Variants in ADCY8 observed in about 807,000 individuals in gnomAD.
ADCY8 encodes the protein adenylate cyclase type 8.
ADCY8 carries 51 observed loss-of-function variants against 119.7 expected under a neutral mutation model. The observed-to-expected ratio is 0.43, with a 90% confidence interval of 0.34 to 0.54. The LOEUF is 0.54. Among genes scored for constraint, ADCY8 ranks in the 20% least tolerant of loss-of-function variants. ADCY8 has a pLI of 0.03. For synonymous variants in ADCY8, 665 were observed against 651.0 expected (o/e 1.02, Z -0.33); for missense variants, 1,383 against 1,598.8 (o/e 0.87, Z 2.30).
chr8:130,921,208 A>G (rs1820291194), intron 5 of ADCY8, among the ~76,000 whole-genome samples: 1 of 152,212 alleles, frequency 6.6e-6, no homozygotes, highest in Non-Finnish European at 1.5e-5. Context: ...ATTTCATCAC[A>G]GAGCTTTATG....
chr8:130,993,131 G>A (rs985881925), intron 1 of ADCY8, among the ~76,000 whole-genome samples: 37 of 152,218 alleles, frequency 2.4e-4, no homozygotes, highest in African/African-American at 8.9e-4. Flanking sequence ...ATTTGGAAGT[G>A]AAAACAAAAT....
intron 9 of ADCY8, among the ~76,000 whole-genome samples, chr8:130,854,965 C>T (rs1817673223): frequency 7.1e-6 from 1 of 141,528 alleles, no homozygotes; most frequent in East Asian, 2.2e-4. Flanking sequence ...GTCTCTTTCT[C>T]ATCATCACAT....
At chr8:130,868,690 A>G (rs1214326110) in intron 8 of ADCY8, among the ~76,000 whole-genome samples, 1 of 152,230 alleles carries the variant, frequency 6.6e-6, no homozygotes, top group East Asian at 1.9e-4. Context: ...GAAGGTGGGA[A>G]AGTTTTTAAA....
chr8:130,944,242 T>C (rs1381379253), intron 3 of ADCY8, among the ~76,000 whole-genome samples: 1 of 152,190 alleles, frequency 6.6e-6, no homozygotes, highest in Non-Finnish European at 1.5e-5. Context: ...GCACATGGCA[T>C]AGCTGGGATT....
chr8:130,829,179 A>G (rs773633500), intron 12 of ADCY8, among the ~76,000 whole-genome samples: 14 of 152,234 alleles, frequency 9.2e-5, no homozygotes, highest in Non-Finnish European at 2.1e-4. Flanking sequence ...AAGCCAGTTT[A>G]TCGATCTGGG....
intron 5 of ADCY8, among the ~76,000 whole-genome samples, chr8:130,931,535 C>T (rs1250600676): frequency 6.6e-6 from 1 of 152,114 alleles, no homozygotes; most frequent in African/African-American, 2.4e-5. Context: ...AAGCTTTCTA[C>T]CCCTTTATCT....
intron 5 of ADCY8, among the ~76,000 whole-genome samples, chr8:130,926,085 T>C (rs1820457883): frequency 6.6e-6 from 1 of 152,192 alleles, no homozygotes; most frequent in Non-Finnish European, 1.5e-5. Flanking sequence ...AACCCTATTG[T>C]TTTAATTTAG....
At chr8:130,920,430 A>G (rs556363106) in intron 5 of ADCY8, among the ~76,000 whole-genome samples, 13 of 152,340 alleles carry the variant, frequency 8.5e-5, no homozygotes, top group South Asian at 8.3e-4. Flanking sequence ...TCAAAGGGAA[A>G]GACAGCTGTG....
chr8:131,038,744 G>A lies in ADCY8; in HGVS notation c.960+630C>T, dbSNP rs77398391. On this transcript the variant is annotated intron_variant, in intron 1 of 17. Transcript: ENST00000286355. ...TTGGTTTATTCAAAGCACTGGGGTC[G>A]CATCGTGTCATGAGAGAAGATATCA... Among the ~76,000 whole-genome samples the A allele has an allele frequency of 1.7e-3, 261 of 152,208 alleles. 8 individuals carry two copies. The East Asian group carries it at 0.044, about 25-fold the overall frequency.
intron 1 of ADCY8, among the ~76,000 whole-genome samples, chr8:131,021,649 T>C (rs190734306): frequency 2.0e-5 from 3 of 152,316 alleles, no homozygotes; most frequent in African/African-American, 7.2e-5. Flanking sequence ...GTTCTCGTGA[T>C]AGTGAGTGAG....
In ADCY8 at chr8:130,838,499, C is replaced by T. The variant is rs919327531; in HGVS notation, c.2503-2050G>A. Among the ~76,000 whole-genome samples, 3 of 142,596 alleles carry T rather than the reference C, an allele frequency of 2.1e-5. 1 individual carries two copies. Among genetic ancestry groups the T allele is most frequent in the Middle Eastern group, 6.6e-3 (2 of 304 alleles). The allele number at this position is 142,596 out of a possible 152,430, so 93.5% of individuals were successfully genotyped here. A position where few individuals can be genotyped will look rare whatever the true frequency, so the allele number is the denominator to read the frequency against. On this transcript the variant is annotated intron_variant, in intron 11 of 17. Coordinates refer to ENST00000286355, the MANE Select transcript of ADCY8 (RefSeq NM_001115.3). ...CATTCTCCAGAGCTCATTTTCTGCT[C>T]CAGAGAAACTCTAAGGCCCTCCAGT...
At chr8:130,981,857 C>T (rs1316489311) in intron 2 of ADCY8, among the ~76,000 whole-genome samples, 1 of 152,184 alleles carries the variant, frequency 6.6e-6, no homozygotes, top group Non-Finnish European at 1.5e-5. Context: ...ACCCTCAGCT[C>T]TCATCTATTG....
At chr8:130,922,785 T>A (rs7009575) in intron 5 of ADCY8, among the ~76,000 whole-genome samples, 61,178 of 151,948 alleles carry the variant, frequency 0.4, 12,661 homozygotes, top group East Asian at 0.61. Flanking sequence ...GCATAGTCTG[T>A]TTCAAATATT....
At chr8:131,033,368 G>A (rs1013517326) in intron 1 of ADCY8, among the ~76,000 whole-genome samples, 4 of 151,844 alleles carry the variant, frequency 2.6e-5, no homozygotes, top group Non-Finnish European at 5.9e-5. Context: ...TCATTTTTTT[G>A]CTTGGTTTCA....
intron 12 of ADCY8, among the ~76,000 whole-genome samples, chr8:130,822,680 C>A (rs983247239): frequency 4.6e-5 from 7 of 152,082 alleles, no homozygotes; most frequent in Admixed American, 4.6e-4. Context: ...TCATGTCACT[C>A]AATTCTCTAG....
intron 12 of ADCY8, among the ~76,000 whole-genome samples, chr8:130,822,246 T>A (rs1027654377): frequency 5.3e-5 from 8 of 152,204 alleles, no homozygotes; most frequent in African/African-American, 1.4e-4. Context: ...AGCTGAATCC[T>A]AAAAGATAAG....
intron 2 of ADCY8, among the ~76,000 whole-genome samples, chr8:130,958,552 T>A (rs560226336): frequency 1.3e-5 from 2 of 152,112 alleles, no homozygotes; most frequent in Non-Finnish European, 2.9e-5. Flanking sequence ...GCTCTCACAA[T>A]CACGGCAGAA....
chr8:131,031,417 A>T (rs962359979), intron 1 of ADCY8, among the ~76,000 whole-genome samples: 1 of 152,206 alleles, frequency 6.6e-6, no homozygotes, highest in Non-Finnish European at 1.5e-5. Flanking sequence ...AAAGGCAGTC[A>T]CCATATTCTT....
At chr8:131,012,599 C>T (rs1344498702) in intron 1 of ADCY8, among the ~76,000 whole-genome samples, 6 of 152,044 alleles carry the variant, frequency 3.9e-5, no homozygotes, top group Admixed American at 2.0e-4. Flanking sequence ...ACTTGTCCTC[C>T]TAGGATTGCT....
Sources: allele counts gnomAD v4.1 joint callset (sites outside exome capture counted in the v4.1 genomes callset), GRCh38; gene constraint gnomAD v4.1.1; transcripts MANE v1.5; gene names NCBI Gene and HGNC (gene_info 2026-07-23, HGNC 2026-07-21).